ACP1: variants seen among roughly 807,000 people sequenced by gnomAD.
The protein encoded by ACP1 is acid phosphatase 1, also known as low molecular weight phosphotyrosine protein phosphatase.
ACP1 carries 23 observed loss-of-function variants against 23.4 expected under a neutral mutation model. The ratio of observed to expected loss-of-function variants is 0.98; its 90% confidence interval spans 0.71 to 1.39. The LOEUF (loss-of-function observed/expected upper bound fraction) is 1.39, where lower values mean the gene tolerates loss of function less well. Among genes scored for constraint, ACP1 ranks in the 40% most tolerant of loss-of-function variants. The pLI, the probability that ACP1 is intolerant of heterozygous loss-of-function variation, is 0.00. For synonymous variants in ACP1, 72 were observed against 67.2 expected, an observed-to-expected ratio of 1.07 and a Z score of -0.35; for missense variants, 180 against 197.7, an observed-to-expected ratio of 0.91 and a Z score of 0.54.
chr2:277,322 C>T lies in ACP1; in HGVS notation c.*18C>T, dbSNP rs746666231. 5 of 1,611,226 alleles carry T rather than the reference C, an allele frequency of 3.1e-6. No individual in the cohort carries two copies. Among genetic ancestry groups the T allele is most frequent in the Non-Finnish European group, 4.2e-6 (5 of 1,179,028 alleles). On this transcript the variant is annotated 3_prime_UTR_variant, in exon 6 of 6. Transcript: ENST00000272065. ...CCCACTGAGGCAGGTTCGTGCCCTG[C>T]TGCGGCCAGCCTGACTAGACCCCAC...
intron 3 of ACP1, among the ~76,000 whole-genome samples, chr2:274,301 G>C (rs1428944627): frequency 6.6e-6 from 1 of 152,164 alleles, no homozygotes; most frequent in Non-Finnish European, 1.5e-5. Flanking sequence ...TCATTTTTTA[G>C]AAGAACAGGT....
rs1207199172 is a variant in ACP1, at chr2:277,239, G to T, written c.412G>T (p.Asp138Tyr). 1.2e-6 allele frequency: 2 copies of T among 1,613,896 alleles called. No homozygotes were observed. The highest frequency in any genetic ancestry group is 1.7e-6 in the Non-Finnish European group (2 of 1,180,042). Residue 138 changes from aspartate to tyrosine, a missense_variant, in exon 6 of 6, where the codon GAC (aspartate) becomes TAC (tyrosine). Transcript: ENST00000272065. ...CCTGTCCATTTAGGGGAATGACTCT[G>T]ACTTTGAGACGGTGTACCAGCAGTG... ...IEDPYYGNDS[D>Y]FETVYQQCVR...
intron 1 of ACP1, among the ~76,000 whole-genome samples, chr2:265,471 C>T (rs748946965): frequency 5.9e-5 from 9 of 152,154 alleles, no homozygotes; most frequent in Non-Finnish European, 8.8e-5. Context: ...TTTACGGTTT[C>T]GGGTTTCTTG....
At chr2:273,055 C>G (rs1670088143) in intron 3 of ACP1, 1 of 154,418 alleles carries the variant, frequency 6.5e-6, no homozygotes, top group African/African-American at 2.4e-5. Flanking sequence ...AGCCAAGGGG[C>G]TCATGGGGCT....
intron 3 of ACP1, 139 bp from the exon 4 acceptor site, chr2:275,001 T>G (rs754402026): frequency 2.5e-6 from 1 of 402,082 alleles, no homozygotes; most frequent in African/African-American, 2.0e-5. Context: ...AACTTAAAAG[T>G]ACCCTAAAAA....
At position 275,214 on chromosome 2, in the gene ACP1, T is replaced by C; in HGVS notation, c.293+13T>C. ...AAAGCAATCTGAGGTAATCCTGTTT[T>C]TGAAGAATATTTCTGTTCAACTCTC... On this transcript the variant is annotated intron_variant, in intron 4 of 5. Transcript: ENST00000272065. 1 of 1,468,838 alleles carries C rather than the reference T, an allele frequency of 6.8e-7. No individual in the cohort carries two copies. The highest frequency in any genetic ancestry group is 9.4e-7 in the Non-Finnish European group (1 of 1,064,406). 91.0% of individuals were successfully genotyped at this position (1,468,838 alleles called of 1,614,324 possible).
intron 4 of ACP1, among the ~76,000 whole-genome samples, chr2:276,373 C>A (rs1475049222): frequency 6.6e-6 from 1 of 152,218 alleles, no homozygotes; most frequent in Non-Finnish European, 1.5e-5. Flanking sequence ...TCCGTTCCCA[C>A]ATAAAGCACG....
At chr2:271,805 G>A (rs1178221506) in intron 1 of ACP1, 61 bp from the exon 2 acceptor site, 19 of 1,315,270 alleles carry the variant, frequency 1.4e-5, no homozygotes, top group Non-Finnish European at 2.1e-5. Context: ...AAGAAGGGGA[G>A]CTGGCATGTG....
chr2:272,532 AGAGAGCCTGACT>A (rs1026492462), intron 3 of ACP1: 2 of 1,364,692 alleles, frequency 1.5e-6, no homozygotes, highest in African/African-American at 2.9e-5. Flanking sequence ...ATTTATAATG[AGAGAGCCTGACT>A]GTGAGCTGGG....
intron 2 of ACP1, 40 bp downstream of exon 2, chr2:271,979 T>G: frequency 6.3e-7 from 1 of 1,585,726 alleles, no homozygotes; most frequent in Non-Finnish European, 8.6e-7. Flanking sequence ...CAACCTGAAC[T>G]CCTCTGGGCA....
At chr2:265,136 G>C in intron 1 of ACP1, 129 bp downstream of exon 1, 1 of 1,163,368 alleles carries the variant, frequency 8.6e-7, no homozygotes, top group South Asian at 1.4e-5. Flanking sequence ...GAGGCCTAGG[G>C]TGTTCTAGGA....
At chr2:275,322 T>C in intron 4 of ACP1, 121 bp downstream of exon 4, 1 of 466,448 alleles carries the variant, frequency 2.1e-6, no homozygotes, top group Non-Finnish European at 3.8e-6. Context: ...ATGGTCACCA[T>C]ATGTAGAATT....
intron 1 of ACP1, chr2:266,547 C>T (rs1427831279): frequency 2.6e-5 from 4 of 152,180 alleles, no homozygotes; most frequent in Non-Finnish European, 2.9e-5. Flanking sequence ...TCCAAGACTC[C>T]CCAGTGGATC....
intron 3 of ACP1, chr2:272,480 A>C (rs966547965): frequency 1.4e-6 from 2 of 1,433,582 alleles, no homozygotes; most frequent in African/African-American, 1.4e-5. Flanking sequence ...GACTTGCCTG[A>C]CTTTGGAATT....
rs1670200364 is a variant in ACP1 at position 277,266 on chromosome 2, G to A, written c.439G>A (p.Val147Ile). 1.2e-6 allele frequency: 2 copies of A among 1,613,426 alleles called. No individual in the cohort carries two copies. The highest frequency in any genetic ancestry group is 1.7e-6 in the Non-Finnish European group (2 of 1,180,044). ...CTTTGAGACGGTGTACCAGCAGTGTGTCAGGTGCTGCAGAGCGTTCTTGGA... is the reference window on the plus strand; with the variant it reads ...CTTTGAGACGGTGTACCAGCAGTGTATCAGGTGCTGCAGAGCGTTCTTGGA... Reference protein sequence around the residue: ...SDFETVYQQCVRCCRAFLEKA... With the variant: ...SDFETVYQQCIRCCRAFLEKA... Residue 147 changes from valine (V) to isoleucine (I), a missense_variant, in exon 6 of 6, where the codon GTC (valine) becomes ATC (isoleucine). Val to Ile is a conservative substitution (Grantham distance 29). Around this residue, in one of 3 missense-constraint regions of ACP1, gnomAD observed 35 missense variants for 40.5 expected, o/e 0.86. Transcript: ENST00000272065.
At chr2:267,597 A>G (rs1323595647) in intron 1 of ACP1, among the ~76,000 whole-genome samples, 7 of 152,230 alleles carry the variant, frequency 4.6e-5, no homozygotes, top group African/African-American at 1.7e-4. Flanking sequence ...ACCGCAGGGA[A>G]GCTGCAGTGG....
At chr2:270,318 G>A (rs1325491726) in intron 1 of ACP1, among the ~76,000 whole-genome samples, 5 of 152,174 alleles carry the variant, frequency 3.3e-5, no homozygotes, top group Non-Finnish European at 5.9e-5. Flanking sequence ...TTGGCCCAGT[G>A]TTTTAGGGCT....
chr2:276,033 C>A (rs962033796), intron 4 of ACP1, among the ~76,000 whole-genome samples: 1 of 152,062 alleles, frequency 6.6e-6, no homozygotes, highest in African/African-American at 2.4e-5. Flanking sequence ...ACACCATAGC[C>A]CATAGGCATC....
intron 1 of ACP1, among the ~76,000 whole-genome samples, chr2:268,859 G>A (rs908711624): frequency 2.0e-5 from 3 of 152,190 alleles, no homozygotes; most frequent in Admixed American, 6.5e-5. Context: ...AAATTTGGTG[G>A]CATCAACTTT....
Sources: gnomAD v4.1 joint callset for allele counts (sites outside exome capture counted in the v4.1 genomes callset) on GRCh38, gnomAD v4.1.1 for gene constraint, gnomAD v4.1.1 regional missense constraint, MANE v1.5 for transcripts, NCBI Gene and HGNC (gene_info 2026-07-23, HGNC 2026-07-21) for gene names.